Variants in GRM5 observed in about 807,000 individuals in gnomAD.
GRM5 encodes glutamate metabotropic receptor 5.
GRM5 carries 19 observed loss-of-function variants against 83.1 expected under a neutral mutation model. That is an observed-to-expected ratio of 0.23 (90% CI 0.16 to 0.34). The LOEUF is 0.34. Among genes scored for constraint, GRM5 ranks in the 10% least tolerant of loss-of-function variants. The pLI is 1.00. For missense variants in GRM5, 1,160 were observed against 1,588.3 expected, an observed-to-expected ratio of 0.73 and a Z score of 4.58; for synonymous variants, 675 against 633.6, an observed-to-expected ratio of 1.07 and a Z score of -0.98.
chr11:88,743,392 T>A (rs1942068339), intron 3 of GRM5, among the ~76,000 whole-genome samples: 1 of 152,168 alleles, frequency 6.6e-6, no homozygotes, highest in Non-Finnish European at 1.5e-5. Flanking sequence ...GATATTTTCA[T>A]AACCTGAGTA....
intron 2 of GRM5, among the ~76,000 whole-genome samples, chr11:89,031,493 G>A (rs910698724): frequency 4.0e-5 from 6 of 151,752 alleles, no homozygotes; most frequent in Non-Finnish European, 8.8e-5. Context: ...GCAATGTTGT[G>A]GAGAAAAGAC....
chr11:88,515,431 G>T (rs1037888182), intron 9 of GRM5, among the ~76,000 whole-genome samples: 6 of 152,056 alleles, frequency 3.9e-5, no homozygotes, highest in African/African-American at 1.4e-4. Context: ...ATAATTTGTT[G>T]TATAGTTTCA....
At chr11:88,925,024 A>C (rs1479251872) in intron 2 of GRM5, among the ~76,000 whole-genome samples, 1 of 152,014 alleles carries the variant, frequency 6.6e-6, no homozygotes, top group African/African-American at 2.4e-5. Context: ...CTAGGAAAAA[A>C]CCTGAAGAGT....
chr11:88,998,951 G>A (rs141308798), intron 2 of GRM5, among the ~76,000 whole-genome samples: 203 of 152,090 alleles, frequency 1.3e-3, no homozygotes, highest in African/African-American at 4.6e-3. Flanking sequence ...ACAACTATCC[G>A]ATCTTTGACA....
At chr11:88,867,667 G>A (rs999035821) in intron 2 of GRM5, among the ~76,000 whole-genome samples, 10 of 151,460 alleles carry the variant, frequency 6.6e-5, no homozygotes, top group Admixed American at 2.7e-4. Context: ...CCCTAATCTA[G>A]CTGAATGGGG....
At chr11:88,527,944 TG>T in intron 8 of GRM5, among the ~76,000 whole-genome samples, 1 of 151,658 alleles carries the variant, frequency 6.6e-6, no homozygotes, top group South Asian at 2.1e-4. Flanking sequence ...GGGTGGAGGG[TG>T]GGAGGAGAGT....
intron 3 of GRM5, among the ~76,000 whole-genome samples, chr11:88,832,161 G>A (rs1397489445): frequency 6.6e-6 from 1 of 151,660 alleles, no homozygotes; most frequent in Non-Finnish European, 1.5e-5. Context: ...GAGCCAAAGT[G>A]CCCTATCCAA....
In GRM5 at chr11:88,707,046, C is replaced by T. The variant is rs547036801; in HGVS notation, c.912-53643G>A. ...CTCCAAGGAATGATTCTGCATCGCTCTGCACAACTCATTTCTGAGTCCCTC... is the reference window on the plus strand; with the variant it reads ...CTCCAAGGAATGATTCTGCATCGCTTTGCACAACTCATTTCTGAGTCCCTC... On this transcript the variant is annotated intron_variant, in intron 3 of 9. Transcript: ENST00000305447. 2.6e-5 allele frequency among the ~76,000 whole-genome samples: 4 copies of T among 152,160 alleles called. No homozygotes were observed. In the South Asian group the frequency reaches 8.3e-4, roughly 32 times the overall value.
At chr11:89,021,231 T>G (rs755606049) in intron 2 of GRM5, among the ~76,000 whole-genome samples, 1 of 152,170 alleles carries the variant, frequency 6.6e-6, no homozygotes, top group Non-Finnish European at 1.5e-5. Context: ...AGTCCTCTGC[T>G]TCCCTCAATG....
intron 3 of GRM5, among the ~76,000 whole-genome samples, chr11:88,829,574 A>C (rs1230412302): frequency 6.6e-6 from 1 of 152,186 alleles, no homozygotes; most frequent in Non-Finnish European, 1.5e-5. Flanking sequence ...AAAATATATA[A>C]TTTAAAATAT....
intron 3 of GRM5, among the ~76,000 whole-genome samples, chr11:88,783,126 T>C (rs564379346): frequency 6.6e-5 from 10 of 152,282 alleles, no homozygotes; most frequent in African/African-American, 1.7e-4. Context: ...CTAAACATTT[T>C]GTTTGTGTCT....
chr11:88,744,275 C>T (rs577959846), intron 3 of GRM5, among the ~76,000 whole-genome samples: 4 of 152,098 alleles, frequency 2.6e-5, no homozygotes, highest in East Asian at 1.9e-4. Flanking sequence ...AAAATTATAC[C>T]GAGGCCTAAT....
intron 3 of GRM5, among the ~76,000 whole-genome samples, chr11:88,779,247 C>A (rs990125168): frequency 2.0e-5 from 3 of 152,074 alleles, no homozygotes; most frequent in Admixed American, 2.0e-4. Flanking sequence ...CAATAGGAAC[C>A]CTGTAAGGAT....
chr11:88,994,610 G>GAA (rs58691405), intron 2 of GRM5, among the ~76,000 whole-genome samples: 5,114 of 89,792 alleles, frequency 0.057, 356 homozygotes, highest in African/African-American at 0.16. Flanking sequence ...AAGCATTACA[G>GAA]AAAAAAAAAA....
At chr11:88,932,175 A>G (rs942254699) in intron 2 of GRM5, among the ~76,000 whole-genome samples, 1 of 152,082 alleles carries the variant, frequency 6.6e-6, no homozygotes, top group Non-Finnish European at 1.5e-5. Context: ...TCTATTTTTT[A>G]TCTTTTGATA....
rs911247791 is a variant in GRM5 at position 88,663,850 on chromosome 11, A to AT, written c.912-10448dup. ...TGCTAAGTGCAATATTAAATCAGTA[A>AT]TTTTTTTATTGAACACCTAAGCAAT... On this transcript the variant is annotated intron_variant, in intron 3 of 9. Coordinates refer to ENST00000305447, the MANE Select transcript of GRM5 (RefSeq NM_001143831.3). Among the ~76,000 whole-genome samples, 7 of 152,234 alleles carry AT rather than the reference A, an allele frequency of 4.6e-5. No homozygotes were observed. The South Asian group carries it at 1.4e-3, about 32-fold the overall frequency.
chr11:88,576,048 G>A (rs1165910082), intron 7 of GRM5, among the ~76,000 whole-genome samples: 2 of 152,160 alleles, frequency 1.3e-5, no homozygotes, highest in Non-Finnish European at 2.9e-5. Flanking sequence ...ATGCACATTT[G>A]TAGGAAATAG....
At chr11:88,519,471 G>A (rs1941619131) in intron 9 of GRM5, among the ~76,000 whole-genome samples, 1 of 152,006 alleles carries the variant, frequency 6.6e-6, no homozygotes, top group South Asian at 2.1e-4. Flanking sequence ...TATGTGAATT[G>A]CAGAATCAGA....
At chr11:88,675,159 A>G (rs764717322) in intron 3 of GRM5, among the ~76,000 whole-genome samples, 2 of 151,886 alleles carry the variant, frequency 1.3e-5, no homozygotes, top group Non-Finnish European at 2.9e-5. Flanking sequence ...GTGATCCTAC[A>G]TGTGGGAAAG....
Sources: allele counts gnomAD v4.1 joint callset (sites outside exome capture counted in the v4.1 genomes callset), GRCh38; gene constraint gnomAD v4.1.1; transcripts MANE v1.5; gene names NCBI Gene and HGNC (gene_info 2026-07-23, HGNC 2026-07-21).